The following ZNF430 variants were observed in gnomAD, a reference collection of about 807,000 sequenced individuals.
ZNF430 encodes zinc finger protein 430.
A neutral mutation model predicts 56.7 loss-of-function variants in ZNF430; 35 were observed. That is an observed-to-expected ratio of 0.62 (90% CI 0.47 to 0.82). The LOEUF (loss-of-function observed/expected upper bound fraction) is 0.82. Ranked by LOEUF, ZNF430 falls within the 40% of genes least tolerant of loss-of-function variation. The pLI, the probability that ZNF430 is intolerant of heterozygous loss-of-function variation, is 0.00. For missense variants in ZNF430, 574 were observed against 661.0 expected, an observed-to-expected ratio of 0.87 and a Z score of 1.44; for synonymous variants, 212 against 224.3, an observed-to-expected ratio of 0.94 and a Z score of 0.49.
intron 4 of ZNF430, among the ~76,000 whole-genome samples, chr19:21,048,072 A>AT (rs1968210231): frequency 7.6e-6 from 1 of 131,782 alleles, no homozygotes; most frequent in Non-Finnish European, 1.6e-5. Context: ...TGCTTTGATT[A>AT]TTTTTTCATT....
At chr19:21,025,641 C>T (rs1402987348) in intron 2 of ZNF430, among the ~76,000 whole-genome samples, 2 of 152,032 alleles carry the variant, frequency 1.3e-5, no homozygotes, top group African/African-American at 4.8e-5. Flanking sequence ...GGCTGGAGTG[C>T]AACGGCATCA....
chr19:21,027,494 G>A (rs970481721), intron 2 of ZNF430, among the ~76,000 whole-genome samples: 1 of 152,122 alleles, frequency 6.6e-6, no homozygotes, highest in Admixed American at 6.6e-5. Context: ...CAGCCTACTT[G>A]ATTATAGTGG....
At chr19:21,040,281 A>G (rs565010686) in intron 4 of ZNF430, among the ~76,000 whole-genome samples, 2 of 152,348 alleles carry the variant, frequency 1.3e-5, no homozygotes, top group East Asian at 3.9e-4. Context: ...TTGGATGTCC[A>G]TGTTCTGCAA....
At chr19:21,047,245 A>G (rs938022416) in intron 4 of ZNF430, among the ~76,000 whole-genome samples, 2 of 152,064 alleles carry the variant, frequency 1.3e-5, no homozygotes, top group Admixed American at 1.3e-4. Flanking sequence ...AATGTTTTTC[A>G]TGGTTCTTAG....
rs1399079534 is a variant in ZNF430 at position 21,057,243 on chromosome 19, C to T, written c.935C>T (p.Thr312Ile). 5 of 1,613,446 alleles carry T rather than the reference C, an allele frequency of 3.1e-6. No homozygotes were observed. In the South Asian group the frequency reaches 4.4e-5, roughly 14 times the overall value. ...CTTACTACACATAAAAGAATTCATACTGGAGAGAAACCCTACAGATGTGAA... is the reference window on the plus strand; with the variant it reads ...CTTACTACACATAAAAGAATTCATATTGGAGAGAAACCCTACAGATGTGAA... ...SHLTTHKRIHTGEKPYRCEEC... is the reference protein window; with the variant it reads ...SHLTTHKRIHIGEKPYRCEEC... The change falls in exon 5 of 5, where the codon ACT becomes ATT. Residue 312 changes from threonine to isoleucine, a missense_variant. Physicochemically the swap from Thr to Ile is moderately conservative, Grantham distance 89 (BLOSUM62 -1). Coordinates refer to ENST00000261560, the MANE Select transcript of ZNF430 (RefSeq NM_025189.4).
At chr19:21,020,933 T>G in intron 1 of ZNF430, 130 bp downstream of exon 1, 2 of 1,305,564 alleles carry the variant, frequency 1.5e-6, no homozygotes, top group East Asian at 4.7e-5. Context: ...CTTGCCCAGC[T>G]GGGCCTCAGT....
chr19:21,042,881 C>G (rs1968130986), intron 4 of ZNF430, among the ~76,000 whole-genome samples: 1 of 151,930 alleles, frequency 6.6e-6, no homozygotes, highest in Non-Finnish European at 1.5e-5. Context: ...TCTAACGATC[C>G]CTGATGTTGA....
Position 21,057,298 on chromosome 19 carries a change from A to T in ZNF430, c.990A>T (p.Ser330=), listed in dbSNP as rs1968396981. 6.2e-7 allele frequency: 1 copy of T among 1,613,194 alleles called. No homozygotes were observed. Among genetic ancestry groups the T allele is most frequent in the African/African-American group, 1.3e-5 (1 of 75,028 alleles). The part of the protein sequence containing the change: ...EECGRAFNRS[S]HLTTHKIIHT... ...GTGGCAGAGCTTTTAACCGGTCCTCACACCTTACTACACATAAGATTATTC... is the reference window on the plus strand; with the variant it reads ...GTGGCAGAGCTTTTAACCGGTCCTCTCACCTTACTACACATAAGATTATTC... Residue 330 remains serine, a synonymous_variant, in exon 5 of 5, where the codon TCA becomes TCT. Coordinates refer to ENST00000261560, the MANE Select transcript of ZNF430 (RefSeq NM_025189.4).
chr19:21,034,723 G>C (rs925030582), intron 4 of ZNF430: 1 of 152,198 alleles, frequency 6.6e-6, no homozygotes, highest in African/African-American at 2.4e-5. Flanking sequence ...ATTTTTAGTA[G>C]AGACAGGGTT....
chr19:21,056,412 C>T (rs944292608), intron 4 of ZNF430, among the ~76,000 whole-genome samples: 3 of 151,584 alleles, frequency 2.0e-5, no homozygotes, highest in African/African-American at 7.3e-5. Flanking sequence ...TAGCTTGAGC[C>T]TGGGTGGCGG....
intron 4 of ZNF430, chr19:21,034,472 G>T: frequency 3.5e-6 from 1 of 285,972 alleles, no homozygotes; most frequent in Non-Finnish European, 6.4e-6. Flanking sequence ...TTGTTTTGGG[G>T]GACACACAAA....
intron 2 of ZNF430, among the ~76,000 whole-genome samples, chr19:21,032,472 A>G (rs1967921199): frequency 6.6e-6 from 1 of 152,206 alleles, no homozygotes; most frequent in South Asian, 2.1e-4. Flanking sequence ...TCACACCTGT[A>G]ATCCCAGCAC....
At chr19:21,033,434 C>G (rs775089511) in intron 2 of ZNF430, 22 bp from the exon 3 acceptor site, 71 of 1,602,166 alleles carry the variant, frequency 4.4e-5, no homozygotes, top group Non-Finnish European at 5.4e-5. Flanking sequence ...ATACGTGTGT[C>G]TTGTGTGCTT....
chr19:21,040,705 T>C (rs1568588312), intron 4 of ZNF430, among the ~76,000 whole-genome samples: 1 of 152,230 alleles, frequency 6.6e-6, no homozygotes, highest in African/African-American at 2.4e-5. Flanking sequence ...ACTGATCTTT[T>C]ATCTAAATTT....
intron 2 of ZNF430, among the ~76,000 whole-genome samples, chr19:21,027,897 A>G (rs984284284): frequency 6.6e-6 from 1 of 152,262 alleles, no homozygotes; most frequent in Non-Finnish European, 1.5e-5. Flanking sequence ...CCAGGTTACT[A>G]TTCTCAAGCT....
chr19:21,027,697 TA>T (rs1356517267), intron 2 of ZNF430, among the ~76,000 whole-genome samples: 2 of 152,182 alleles, frequency 1.3e-5, no homozygotes, highest in African/African-American at 4.8e-5. Flanking sequence ...TATTTTGAAG[TA>T]TTTTTAGTAG....
rs1013785001 is a variant in ZNF430 at position 21,059,764 on chromosome 19, A to G, written c.*1743A>G. On this transcript the variant is annotated 3_prime_UTR_variant, in exon 5 of 5. Transcript: ENST00000261560. The stretch of plus-strand genomic sequence containing the variant: ...TATTCACATGTGAAAGCATGTGATC[A>G]GTTATTGCTGCATTAAAAACATGAG... 12 of 152,078 alleles carry G rather than the reference A, an allele frequency of 7.9e-5. No individual in the cohort carries two copies. The highest frequency in any genetic ancestry group is 2.9e-4 in the African/African-American group (12 of 41,416). The allele number at this position is 152,078 out of a possible 1,614,324, so 9.4% of individuals were successfully genotyped here.
chr19:21,038,431 T>A (rs1029413611), intron 4 of ZNF430, among the ~76,000 whole-genome samples: 1 of 152,222 alleles, frequency 6.6e-6, no homozygotes, highest in Middle Eastern at 3.4e-3. Context: ...CTTCTAATTT[T>A]TTATTATTAT....
intron 4 of ZNF430, 126 bp from the exon 5 acceptor site, chr19:21,056,505 A>G (rs1283927808): frequency 1.7e-6 from 1 of 585,886 alleles, no homozygotes; most frequent in Non-Finnish European, 2.7e-6. Context: ...AAAAAAAATT[A>G]GGGCCTTTAT....
Sources: allele counts gnomAD v4.1 joint callset (sites outside exome capture counted in the v4.1 genomes callset), GRCh38; gene constraint gnomAD v4.1.1; transcripts MANE v1.5; gene names NCBI Gene and HGNC (gene_info 2026-07-23, HGNC 2026-07-21).